Variants in RASGRP4 observed in about 807,000 individuals in gnomAD.
The protein encoded by RASGRP4 is RAS guanyl-releasing protein 4.
RASGRP4 carries 52 observed loss-of-function variants against 84.4 expected under a neutral mutation model. That is an observed-to-expected ratio of 0.62 (90% CI 0.49 to 0.78). The LOEUF is 0.78. Among genes scored for constraint, RASGRP4 ranks in the 30% least tolerant of loss-of-function variants. The probability of loss-of-function intolerance (pLI) is 0.00; values close to 1 mark genes in which losing one functional copy is unlikely to be tolerated. For missense variants in RASGRP4, 760 were observed against 886.9 expected, an observed-to-expected ratio of 0.86 and a Z score of 1.82; for synonymous variants, 356 against 359.1, an observed-to-expected ratio of 0.99 and a Z score of 0.10.
At chr19:38,411,447 G>A in intron 13 of RASGRP4, 66 bp from the exon 14 acceptor site, 1 of 1,416,788 alleles carries the variant, frequency 7.1e-7, no homozygotes, top group Non-Finnish European at 9.5e-7. Context: ...TGGCAGGGCA[G>A]CTGGGGAGTG....
In RASGRP4 at chr19:38,414,980, G is replaced by C. The variant is rs766449303; in HGVS notation, c.1098C>G (p.Pro366=). 3 of 1,613,454 alleles carry C rather than the reference G, an allele frequency of 1.9e-6. No individual in the cohort carries two copies. The Admixed American group carries it at 5.0e-5, about 27-fold the overall frequency. Residue 366 remains proline, a synonymous_variant, in exon 9 of 17, where the codon CCC becomes CCG. Transcript: ENST00000615439. The part of the protein sequence containing the change: ...KDLVSLHEAQ[P]DRLPDGRLHL... Reference sequence around the variant, plus strand: ...GCAGGCGGCCGTCAGGCAACCTGTCGGGCTGTGCCTCATGCAGGGACACCA... The same window carrying C: ...GCAGGCGGCCGTCAGGCAACCTGTCCGGCTGTGCCTCATGCAGGGACACCA...
rs368484426 is a variant in RASGRP4, at chr19:38,419,918, G to A, written c.605C>T (p.Thr202Met). 18 of 1,612,540 alleles carry A rather than the reference G, an allele frequency of 1.1e-5. No individual in the cohort carries two copies. Among genetic ancestry groups the A allele is most frequent in the East Asian group, 4.5e-5 (2 of 44,812 alleles). ...GGTGAGGTGCTGAGCCAGCTCCCCC[G>A]TCTCCAAGTGGTCGAAAAGCAAGGA... The part of the protein sequence containing the change: ...KVSLLFDHLE[T>M]GELAQHLTYL... Residue 202 changes from threonine (T) to methionine (M), a missense_variant, in exon 6 of 17, where the codon ACG (threonine) becomes ATG (methionine). Transcript: ENST00000615439.
Position 38,413,353 on chromosome 19 carries a change from G to T in RASGRP4, c.1311+41C>A. The T allele has an allele frequency of 6.2e-7, 1 of 1,602,708 alleles. No individual in the cohort carries two copies. Among genetic ancestry groups the T allele is most frequent in the Non-Finnish European group, 8.5e-7 (1 of 1,171,530 alleles). On this transcript the variant is annotated intron_variant, in intron 10 of 16. Coordinates refer to ENST00000615439, the MANE Select transcript of RASGRP4 (RefSeq NM_170604.3). The surrounding 1 kb of genome is among the most constrained non-coding windows in gnomAD (Gnocchi z 4.7). ...CACTGCATAGGCTTAGGGGGGGTTC[G>T]AGGTAATTGGGGGAGTCCGAGGCCA...
chr19:38,413,089 C>T lies in RASGRP4; in HGVS notation c.1417-40G>A, dbSNP rs757747859. ...GGGGAAGCAGATAAGGCCCAGTTGT[C>T]GAAATATGATCCCCATGGCCATAAG... On this transcript the variant is annotated intron_variant, in intron 11 of 16. Coordinates refer to ENST00000615439, the MANE Select transcript of RASGRP4 (RefSeq NM_170604.3). This position sits in a 1 kb window ranked among gnomAD's most constrained non-coding sequence, Gnocchi z 4.7. 15 of 1,584,990 alleles carry T rather than the reference C, an allele frequency of 9.5e-6. No homozygotes were observed. The highest frequency in any genetic ancestry group is 8.3e-5 in the Admixed American group (5 of 59,956).
Position 38,417,212 on chromosome 19 carries a change from GC to G in RASGRP4, c.838-45del. On this transcript the variant is annotated intron_variant, in intron 7 of 16. Coordinates refer to ENST00000615439, the MANE Select transcript of RASGRP4 (RefSeq NM_170604.3). This position sits in a 1 kb window ranked among gnomAD's most constrained non-coding sequence, Gnocchi z 5.1. ...ACACAGGGCCGTCACGGGAGGGAGGGCAAGTCAGGAGTTCAGATGACAGCAT... is the reference window on the plus strand; with the variant it reads ...ACACAGGGCCGTCACGGGAGGGAGGGAAGTCAGGAGTTCAGATGACAGCAT... 2.3e-6 allele frequency: 3 copies of G among 1,301,946 alleles called. No individual in the cohort carries two copies. Among genetic ancestry groups the G allele is most frequent in the Admixed American group, 3.9e-5 (2 of 50,666 alleles). The allele number at this position is 1,301,946 out of a possible 1,614,324, so 80.6% of individuals were successfully genotyped here.
rs778767819 is a variant in RASGRP4, at chr19:38,420,913, C to T, written c.372G>A (p.Leu124=). 27 of 1,602,530 alleles carry T rather than the reference C, an allele frequency of 1.7e-5. No individual in the cohort carries two copies. The highest frequency in any genetic ancestry group is 2.3e-5 in the Non-Finnish European group (27 of 1,175,068). Reference sequence around the variant, plus strand: ...GGATCTCGGCCCAGCCCTACCTGACCAGGTGACAGATCTGCAGCCGTCTCA... The same window carrying T: ...GGATCTCGGCCCAGCCCTACCTGACTAGGTGACAGATCTGCAGCCGTCTCA... ...QELRRLQICH[L]VRYWLMRHPE... is the part of the protein sequence containing the mutation. Residue 124 remains leucine (L), a synonymous_variant, in exon 4 of 17, where the codon CTG becomes CTA. Coordinates refer to ENST00000615439, the MANE Select transcript of RASGRP4 (RefSeq NM_170604.3).
intron 8 of RASGRP4, among the ~76,000 whole-genome samples, chr19:38,416,320 G>C (rs1183218016): frequency 6.6e-6 from 1 of 151,670 alleles, no homozygotes; most frequent in Middle Eastern, 3.2e-3. Flanking sequence ...AAAATTAGCA[G>C]GGCATGGTGG....
chr19:38,421,441 G>T (rs901147840), intron 2 of RASGRP4, among the ~76,000 whole-genome samples: 1 of 152,202 alleles, frequency 6.6e-6, no homozygotes, highest in Non-Finnish European at 1.5e-5. Context: ...GCCGGGCACA[G>T]TGGCTCACAC....
At position 38,417,208 on chromosome 19, in the gene RASGRP4, G is replaced by C; in HGVS notation, c.838-40C>G. The C allele has an allele frequency of 5.1e-6, 7 of 1,359,756 alleles. No individual in the cohort carries two copies. The highest frequency in any genetic ancestry group is 6.2e-6 in the Non-Finnish European group (6 of 972,236). 84.2% of individuals were successfully genotyped at this position (1,359,756 alleles called of 1,614,324 possible). A position where few individuals can be genotyped will look rare whatever the true frequency, so the allele number is the denominator to read the frequency against. On this transcript the variant is annotated intron_variant, in intron 7 of 16. Coordinates refer to ENST00000615439, the MANE Select transcript of RASGRP4 (RefSeq NM_170604.3). This position sits in a 1 kb window ranked among gnomAD's most constrained non-coding sequence, Gnocchi z 5.1. The stretch of plus-strand genomic sequence containing the variant: ...ATGCACACAGGGCCGTCACGGGAGG[G>C]AGGGCAAGTCAGGAGTTCAGATGAC...
Position 38,413,157 on chromosome 19 carries a change from T to G in RASGRP4, c.1416+36A>C. On this transcript the variant is annotated intron_variant, in intron 11 of 16. Coordinates refer to ENST00000615439, the MANE Select transcript of RASGRP4 (RefSeq NM_170604.3). The surrounding 1 kb of genome is among the most constrained non-coding windows in gnomAD (Gnocchi z 4.7). Reference sequence around the variant, plus strand: ...AGGGTTCTACAGATGTCTTCCCTCCTGGCTGCTGGCGGCCGGGCCACCCTC... The same window carrying G: ...AGGGTTCTACAGATGTCTTCCCTCCGGGCTGCTGGCGGCCGGGCCACCCTC... 6.3e-7 allele frequency: 1 copy of G among 1,593,844 alleles called. No homozygotes were observed. The highest frequency in any genetic ancestry group is 8.6e-7 in the Non-Finnish European group (1 of 1,162,472).
intron 16 of RASGRP4, 25 bp downstream of exon 16, chr19:38,410,861 G>C (rs757855783): frequency 2.0e-6 from 3 of 1,512,440 alleles, no homozygotes; most frequent in Admixed American, 1.9e-5. Context: ...GTATCCACTT[G>C]GGGGTAGGGG....
In RASGRP4 at chr19:38,418,633, G is replaced by T; in HGVS notation, c.664-69C>A. 2 of 1,384,126 alleles carry T rather than the reference G, an allele frequency of 1.4e-6. No homozygotes were observed. Among genetic ancestry groups the T allele is most frequent in the South Asian group, 1.5e-5 (1 of 67,702 alleles). 85.7% of individuals were successfully genotyped at this position (1,384,126 alleles called of 1,614,324 possible). The stretch of plus-strand genomic sequence containing the variant: ...CCTGCCCTTCCATGGCATCCAACTA[G>T]CAGTCACGATCTCTGATGTCCTAGC... On this transcript the variant is annotated intron_variant, in intron 6 of 16. Coordinates refer to ENST00000615439, the MANE Select transcript of RASGRP4 (RefSeq NM_170604.3). This position sits in a 1 kb window ranked among gnomAD's most constrained non-coding sequence, Gnocchi z 4.6.
rs1412008297 is a variant in RASGRP4, at chr19:38,413,485, C to G, written c.1231-11G>C. On this transcript the variant is annotated splice_polypyrimidine_tract_variant and intron_variant, in intron 9 of 16. Coordinates refer to ENST00000615439, the MANE Select transcript of RASGRP4 (RefSeq NM_170604.3). This position sits in a 1 kb window ranked among gnomAD's most constrained non-coding sequence, Gnocchi z 4.7. Reference sequence around the variant, plus strand: ...GAGGTCCAGGGAGAGCTGGAGCAGACAGGGGTGTTACGGATCCTCCCATCT... The same window carrying G: ...GAGGTCCAGGGAGAGCTGGAGCAGAGAGGGGTGTTACGGATCCTCCCATCT... 5 of 1,585,202 alleles carry G rather than the reference C, an allele frequency of 3.2e-6. No homozygotes were observed. Among genetic ancestry groups the G allele is most frequent in the Non-Finnish European group, 4.3e-6 (5 of 1,165,384 alleles).
Position 38,414,964 on chromosome 19 carries a change from C to A in RASGRP4, c.1114G>T (p.Gly372Cys). The change falls in exon 9 of 17, where the codon GGC becomes TGC. Residue 372 changes from glycine (G) to cysteine (C), a missense_variant. Gly to Cys is a radical substitution (Grantham distance 159). Coordinates refer to ENST00000615439, the MANE Select transcript of RASGRP4 (RefSeq NM_170604.3). ...TTCAGCTTGGGTAGGTGCAGGCGGC[C>A]GTCAGGCAACCTGTCGGGCTGTGCC... ...HEAQPDRLPD[G>C]RLHLPKLNNL... 6.2e-7 allele frequency: 1 copy of A among 1,613,574 alleles called. No homozygotes were observed. The highest frequency in any genetic ancestry group is 1.3e-5 in the African/African-American group (1 of 75,074).
intron 1 of RASGRP4, among the ~76,000 whole-genome samples, chr19:38,423,987 C>T (rs958672721): frequency 2.0e-5 from 3 of 152,272 alleles, no homozygotes; most frequent in East Asian, 1.9e-4. Flanking sequence ...AAGCTTCAGA[C>T]GAAAGTAGAA....
At chr19:38,423,262 C>T (rs1971836213) in intron 1 of RASGRP4, among the ~76,000 whole-genome samples, 1 of 152,208 alleles carries the variant, frequency 6.6e-6, no homozygotes, top group Admixed American at 6.5e-5. Flanking sequence ...TGATGGCTCA[C>T]GCCTGTAATC....
chr19:38,414,836 A>AG lies in RASGRP4; in HGVS notation c.1230+11dup, dbSNP rs777853134. 3.8e-4 allele frequency: 606 copies of AG among 1,575,360 alleles called. 1 individual carries two copies. Among genetic ancestry groups the AG allele is most frequent in the Admixed American group, 1.1e-3 (57 of 53,962 alleles). ...TTGGAAGCCCAGCCTGGGCGGGGCC[A>AG]GGGGGGCTCACCGTGAGCAGGTGCA... On this transcript the variant is annotated intron_variant, in intron 9 of 16. Transcript: ENST00000615439.
Position 38,413,093 on chromosome 19 carries a change from A to G in RASGRP4, c.1417-44T>C. On this transcript the variant is annotated intron_variant, in intron 11 of 16. Coordinates refer to ENST00000615439, the MANE Select transcript of RASGRP4 (RefSeq NM_170604.3). The surrounding 1 kb of genome is among the most constrained non-coding windows in gnomAD (Gnocchi z 4.7). ...AAGCAGATAAGGCCCAGTTGTCGAA[A>G]TATGATCCCCATGGCCATAAGTCCC... 6.3e-7 allele frequency: 1 copy of G among 1,585,344 alleles called. No individual in the cohort carries two copies. Among genetic ancestry groups the G allele is most frequent in the East Asian group, 2.2e-5 (1 of 44,740 alleles).
rs773243909 is a variant in RASGRP4 at position 38,420,933 on chromosome 19, G to A, written c.352C>T (p.Arg118Trp). The A allele has an allele frequency of 1.1e-5, 18 of 1,613,790 alleles. No homozygotes were observed. Among genetic ancestry groups the A allele is most frequent in the Admixed American group, 3.3e-5 (2 of 59,990 alleles). Residue 118 changes from arginine to tryptophan, a missense_variant, in exon 4 of 17, where the codon CGG becomes TGG. Transcript: ENST00000615439. The part of the protein sequence containing the change: ...KATGDTQELR[R>W]LQICHLVRYW... ...CTGACCAGGTGACAGATCTGCAGCC[G>A]TCTCAGCTCCTGGGTGTCCCCTGTG...
Sources: allele counts gnomAD v4.1 joint callset (sites outside exome capture counted in the v4.1 genomes callset), GRCh38; gene constraint gnomAD v4.1.1; non-coding constraint Gnocchi (gnomAD v3.1); transcripts MANE v1.5; gene names NCBI Gene and HGNC (gene_info 2026-07-23, HGNC 2026-07-21).